Variants in SPATA16 observed in about 807,000 individuals in gnomAD.
SPATA16 encodes spermatogenesis associated 16.
In SPATA16, 36 loss-of-function variants were observed where a neutral mutation model predicts 63.3. The ratio of observed to expected loss-of-function variants is 0.57; its 90% confidence interval spans 0.44 to 0.75. SPATA16 has a LOEUF of 0.75. Among genes scored for constraint, SPATA16 ranks in the 30% least tolerant of loss-of-function variants. The pLI, the probability that SPATA16 is intolerant of heterozygous loss-of-function variation, is 0.00. For missense variants in SPATA16, 646 were observed against 679.3 expected, an observed-to-expected ratio of 0.95 and a Z score of 0.54; for synonymous variants, 203 against 216.7, an observed-to-expected ratio of 0.94 and a Z score of 0.56.
chr3:172,901,200 A>G (rs1339456728), intron 10 of SPATA16, among the ~76,000 whole-genome samples: 1 of 151,900 alleles, frequency 6.6e-6, no homozygotes, highest in Non-Finnish European at 1.5e-5. Flanking sequence ...AAAACATCAG[A>G]TAATTCTTCT....
At chr3:173,104,124 C>T (rs1577176371) in intron 2 of SPATA16, among the ~76,000 whole-genome samples, 1 of 152,314 alleles carries the variant, frequency 6.6e-6, no homozygotes, top group East Asian at 1.9e-4. Context: ...AAAAGTTCCT[C>T]ATTTCCATCT....
At chr3:173,019,408 G>A in intron 4 of SPATA16, 78 bp downstream of exon 4, 1 of 1,214,322 alleles carries the variant, frequency 8.2e-7, no homozygotes, top group Non-Finnish European at 1.2e-6. Context: ...GGAGAGTTCT[G>A]TTATGCTATT....
chr3:173,070,554 C>T (rs145060642), intron 2 of SPATA16, among the ~76,000 whole-genome samples: 116 of 152,244 alleles, frequency 7.6e-4, no homozygotes, highest in African/African-American at 2.6e-3. Flanking sequence ...TACAATCTTA[C>T]ATTTAGAAAA....
At chr3:173,073,560 G>C (rs1736722109) in intron 2 of SPATA16, among the ~76,000 whole-genome samples, 1 of 152,248 alleles carries the variant, frequency 6.6e-6, no homozygotes, top group African/African-American at 2.4e-5. Context: ...ACATGGTGTT[G>C]AGCCTGTGGG....
intron 1 of SPATA16, 52 bp from the exon 2 acceptor site, chr3:173,117,801 T>C (rs1737950042): frequency 3.1e-6 from 5 of 1,611,780 alleles, no homozygotes; most frequent in Non-Finnish European, 3.4e-6. Context: ...TGAATTCCAG[T>C]GGTTTAGACT....
chr3:173,140,370 G>T (rs1035262561), intron 1 of SPATA16, among the ~76,000 whole-genome samples: 1 of 152,124 alleles, frequency 6.6e-6, no homozygotes, highest in Non-Finnish European at 1.5e-5. Context: ...AATCCAAAAT[G>T]CAAATTTTAA....
intron 8 of SPATA16, among the ~76,000 whole-genome samples, chr3:172,921,925 G>A (rs1404884689): frequency 6.6e-6 from 1 of 152,128 alleles, no homozygotes; most frequent in Non-Finnish European, 1.5e-5. Context: ...TCACAAATTA[G>A]GGTAACAAAT....
At chr3:172,908,916 C>T (rs1320978026) in intron 10 of SPATA16, among the ~76,000 whole-genome samples, 9 of 151,828 alleles carry the variant, frequency 5.9e-5, no homozygotes, top group Admixed American at 5.3e-4. Flanking sequence ...TACTTGCTAC[C>T]GGAATTGTCT....
intron 2 of SPATA16, among the ~76,000 whole-genome samples, chr3:173,052,988 A>G (rs1736138042): frequency 6.6e-6 from 1 of 152,224 alleles, no homozygotes; most frequent in South Asian, 2.1e-4. Context: ...TTAAAAGTCA[A>G]TATTTAAGGA....
Position 172,925,556 on chromosome 3 carries a change from C to T in SPATA16, c.1082-64G>A, listed in dbSNP as rs934906978. ...TGGTTTTAATATTTTTAGGGTTTTC[C>T]CCCCCAGATTTCAGGAATTGTACTT... is the stretch of plus-strand genomic sequence containing the variant. On this transcript the variant is annotated intron_variant, in intron 6 of 10. Transcript: ENST00000351008. 9 of 1,602,368 alleles carry T rather than the reference C, an allele frequency of 5.6e-6. No homozygotes were observed. The East Asian group carries it at 1.6e-4, about 28-fold the overall frequency.
chr3:173,133,363 G>C (rs1295293940), intron 1 of SPATA16, among the ~76,000 whole-genome samples: 1 of 152,166 alleles, frequency 6.6e-6, no homozygotes, highest in Non-Finnish European at 1.5e-5. Context: ...CTGTTTGTAG[G>C]GGTCTAGGCA....
intron 5 of SPATA16, among the ~76,000 whole-genome samples, chr3:172,959,007 C>T (rs1312768112): frequency 6.6e-6 from 1 of 152,190 alleles, no homozygotes; most frequent in African/African-American, 2.4e-5. Flanking sequence ...CAGCCCATAA[C>T]AGTTCCTAAC....
At chr3:172,963,734 C>T (rs1482597312) in intron 5 of SPATA16, among the ~76,000 whole-genome samples, 1 of 151,976 alleles carries the variant, frequency 6.6e-6, no homozygotes, top group Non-Finnish European at 1.5e-5. Flanking sequence ...CAAGATAGAA[C>T]TGAGGACATG....
At chr3:173,105,892 T>A (rs1488480649) in intron 2 of SPATA16, among the ~76,000 whole-genome samples, 3 of 152,022 alleles carry the variant, frequency 2.0e-5, no homozygotes, top group African/African-American at 4.8e-5. Flanking sequence ...TAGAGATATA[T>A]CTGGATACGT....
rs771733059 is a variant in SPATA16, at chr3:172,977,041, A to G, written c.860T>C (p.Ile287Thr). Residue 287 changes from isoleucine to threonine, a missense_variant, in exon 5 of 11, where the codon ATT (isoleucine) becomes ACT (threonine). Transcript: ENST00000351008. ...RYSEAARSAM[I>T]ADYMFWLGGG... is the part of the protein sequence containing the mutation. Reference sequence around the variant, plus strand: ...ACCAAGCCAGAACATGTAGTCAGCAATCATGGCACTCCTAAGAACAAGGAC... The same window carrying G: ...ACCAAGCCAGAACATGTAGTCAGCAGTCATGGCACTCCTAAGAACAAGGAC... 6.2e-7 allele frequency: 1 copy of G among 1,610,480 alleles called. No homozygotes were observed. Among genetic ancestry groups the G allele is most frequent in the Non-Finnish European group, 8.5e-7 (1 of 1,179,320 alleles).
chr3:173,036,077 CTT>C (rs2108286849), intron 3 of SPATA16, among the ~76,000 whole-genome samples: 1 of 151,734 alleles, frequency 6.6e-6, no homozygotes, highest in South Asian at 2.1e-4. Flanking sequence ...TAATAGCTGT[CTT>C]GGGGAAAAGC....
At chr3:173,085,278 T>C (rs1737023691) in intron 2 of SPATA16, among the ~76,000 whole-genome samples, 1 of 152,156 alleles carries the variant, frequency 6.6e-6, no homozygotes, top group Admixed American at 6.5e-5. Flanking sequence ...GTAGCAATTG[T>C]GAATGGGAGT....
At chr3:173,066,832 G>A (rs1055919116) in intron 2 of SPATA16, among the ~76,000 whole-genome samples, 11 of 152,078 alleles carry the variant, frequency 7.2e-5, no homozygotes, top group African/African-American at 2.7e-4. Flanking sequence ...TAAGGCACCA[G>A]TGGCCACTCC....
intron 1 of SPATA16, among the ~76,000 whole-genome samples, chr3:173,127,556 G>A (rs1258000716): frequency 6.6e-6 from 1 of 152,054 alleles, no homozygotes; most frequent in Non-Finnish European, 1.5e-5. Flanking sequence ...TGCCAATTTT[G>A]AAGAGTACAA....
Sources: allele counts gnomAD v4.1 joint callset (sites outside exome capture counted in the v4.1 genomes callset), GRCh38; gene constraint gnomAD v4.1.1; transcripts MANE v1.5; gene names NCBI Gene and HGNC (gene_info 2026-07-23, HGNC 2026-07-21).